STK32B: variants seen among roughly 807,000 people sequenced by gnomAD.
The protein encoded by STK32B is serine/threonine-protein kinase 32B.
A neutral mutation model predicts 52.6 loss-of-function variants in STK32B; 43 were observed. That is an observed-to-expected ratio of 0.82 (90% CI 0.64 to 1.05). The LOEUF (loss-of-function observed/expected upper bound fraction) is 1.05, where lower values mean the gene tolerates loss of function less well. Among genes scored for constraint, STK32B ranks in the 50% least tolerant of loss-of-function variants. The pLI is 0.00. For missense variants in STK32B, 621 were observed against 534.6 expected (o/e 1.16, Z -1.59); for synonymous variants, 238 against 204.3 (o/e 1.17, Z -1.41).
chr4:5,299,368 A>G (rs1577312012), intron 3 of STK32B, among the ~76,000 whole-genome samples: 2 of 152,132 alleles, frequency 1.3e-5, no homozygotes, highest in East Asian at 1.9e-4. Flanking sequence ...AGTCCCCAGC[A>G]ACGTGCTGCA....
At position 5,239,002 on chromosome 4, in the gene STK32B, C is replaced by T. The variant is rs75764426; in HGVS notation, c.260+70552C>T. On this transcript the variant is annotated intron_variant, in intron 3 of 11. Coordinates refer to ENST00000282908, the MANE Select transcript of STK32B (RefSeq NM_018401.3). ...AGATTTGGGAGGTGTCCAGAAGACACGACATTTATCTTACATTTTGAAGGA... is the reference window on the plus strand; with the variant it reads ...AGATTTGGGAGGTGTCCAGAAGACATGACATTTATCTTACATTTTGAAGGA... 4.5e-3 allele frequency among the ~76,000 whole-genome samples: 688 copies of T among 152,278 alleles called. 2 individuals carry two copies. The highest frequency in any genetic ancestry group is 7.4e-3 in the Non-Finnish European group (505 of 68,030).
rs1728075239 is a variant in STK32B, at chr4:5,279,813, C to T, written c.261-51407C>T. 3.3e-5 allele frequency among the ~76,000 whole-genome samples: 5 copies of T among 152,200 alleles called. No homozygotes were observed. In the South Asian group the frequency reaches 8.3e-4, roughly 25 times the overall value. On this transcript the variant is annotated intron_variant, in intron 3 of 11. Transcript: ENST00000282908. ...AAGCCACCGAGGCTGGGGACTTGCA[C>T]CCTCTGAAGCAACAGCCCAAGCTGT...
At chr4:5,125,914 C>T (rs1271011982) in intron 1 of STK32B, among the ~76,000 whole-genome samples, 4 of 152,082 alleles carry the variant, frequency 2.6e-5, no homozygotes, top group African/African-American at 4.8e-5. Context: ...AGTGATCTGC[C>T]CCCATCAGAT....
chr4:5,462,318 GTGTCTGTA>G (rs1408871860), intron 9 of STK32B, among the ~76,000 whole-genome samples: 3 of 151,190 alleles, frequency 2.0e-5, no homozygotes, highest in Non-Finnish European at 2.9e-5. Flanking sequence ...GTGTGTCTGT[GTGTCTGTA>G]TGTCTATATG....
At chr4:5,382,844 T>C (rs1560369380) in intron 4 of STK32B, among the ~76,000 whole-genome samples, 1 of 152,176 alleles carries the variant, frequency 6.6e-6, no homozygotes. Context: ...TAGCTCACTT[T>C]ACAGATGAGG....
chr4:5,309,930 C>T (rs1321777147), intron 3 of STK32B, among the ~76,000 whole-genome samples: 2 of 152,184 alleles, frequency 1.3e-5, no homozygotes, highest in Non-Finnish European at 2.9e-5. Flanking sequence ...CTTTGGGAGG[C>T]CAAGGCAAGT....
At chr4:5,315,688 T>C (rs78105559) in intron 3 of STK32B, among the ~76,000 whole-genome samples, 3 of 112,840 alleles carry the variant, frequency 2.7e-5, no homozygotes, top group East Asian at 2.3e-4. Flanking sequence ...TTTTCTTTTT[T>C]TTTTTTTTTG....
intron 1 of STK32B, among the ~76,000 whole-genome samples, chr4:5,119,295 T>C (rs1275314979): frequency 6.6e-6 from 1 of 152,212 alleles, no homozygotes; most frequent in Non-Finnish European, 1.5e-5. Context: ...ATGTGGACAT[T>C]AGACAGGGGA....
At chr4:5,200,393 G>A (rs991166210) in intron 3 of STK32B, among the ~76,000 whole-genome samples, 4 of 151,836 alleles carry the variant, frequency 2.6e-5, no homozygotes, top group Non-Finnish European at 4.4e-5. Flanking sequence ...TGAACTGGCC[G>A]AGATATACTG....
chr4:5,457,876 C>T (rs1716689952), intron 8 of STK32B, among the ~76,000 whole-genome samples: 3 of 115,976 alleles, frequency 2.6e-5, no homozygotes, highest in South Asian at 3.2e-4. Context: ...CTGAAAGAAG[C>T]GAGGCGAGGC....
chr4:5,085,043 C>G (rs1194965502), intron 1 of STK32B, among the ~76,000 whole-genome samples: 1 of 152,176 alleles, frequency 6.6e-6, no homozygotes, highest in East Asian at 1.9e-4. Context: ...AGAATGTACT[C>G]TGAGACACAT....
chr4:5,246,971 C>G (rs892809178), intron 3 of STK32B, among the ~76,000 whole-genome samples: 34 of 152,280 alleles, frequency 2.2e-4, no homozygotes, highest in African/African-American at 7.9e-4. Flanking sequence ...TATAAGGTGC[C>G]GGTCCGCCCC....
At chr4:5,199,424 G>A (rs182115090) in intron 3 of STK32B, among the ~76,000 whole-genome samples, 1 of 151,550 alleles carries the variant, frequency 6.6e-6, no homozygotes, top group Admixed American at 6.6e-5. Flanking sequence ...AAACCTATTG[G>A]TGCCTTATGT....
chr4:5,225,313 A>T (rs1439410176), intron 3 of STK32B, among the ~76,000 whole-genome samples: 1 of 152,246 alleles, frequency 6.6e-6, no homozygotes, highest in East Asian at 1.9e-4. Context: ...AGGCTGAGGC[A>T]GGAGAATCGT....
chr4:5,424,875 T>C (rs532975076), intron 6 of STK32B, among the ~76,000 whole-genome samples: 1 of 152,270 alleles, frequency 6.6e-6, no homozygotes, highest in Admixed American at 6.5e-5. Flanking sequence ...AGCCCAGACT[T>C]AGGAGCTCCC....
chr4:5,318,421 T>C (rs758768767), intron 3 of STK32B, among the ~76,000 whole-genome samples: 2 of 151,312 alleles, frequency 1.3e-5, no homozygotes, highest in Non-Finnish European at 2.9e-5. Context: ...AGTGCAAAGA[T>C]CTCAACCCTG....
the STK32B span, among the ~76,000 whole-genome samples, chr4:5,043,112 C>CAA: frequency 3.9e-3 from 290 of 74,192 alleles, 2 homozygotes; most frequent in African/African-American, 9.9e-3. Context: ...GACTCCGTCT[C>CAA]AAAAAAAAAA....
intron 6 of STK32B, chr4:5,435,923 T>A (rs1246110624): frequency 6.6e-6 from 1 of 152,336 alleles, no homozygotes; most frequent in African/African-American, 2.4e-5. Flanking sequence ...AAGAGCCTTG[T>A]CTGGCACATG....
intron 4 of STK32B, among the ~76,000 whole-genome samples, chr4:5,365,711 T>C (rs952069942): frequency 1.3e-5 from 2 of 152,186 alleles, no homozygotes; most frequent in African/African-American, 4.8e-5. Flanking sequence ...ACACCCATTT[T>C]CCCGTGGAGC....
Sources: allele counts gnomAD v4.1 joint callset (sites outside exome capture counted in the v4.1 genomes callset), GRCh38; gene constraint gnomAD v4.1.1; transcripts MANE v1.5; gene names NCBI Gene and HGNC (gene_info 2026-07-23, HGNC 2026-07-21).